Variants in PRKN observed in about 807,000 individuals in gnomAD.
PRKN encodes the protein E3 ubiquitin-protein ligase parkin.
In PRKN, 56 loss-of-function variants were observed where a neutral mutation model predicts 59.5. That is an observed-to-expected ratio of 0.94 (90% confidence interval 0.76 to 1.18). PRKN has a LOEUF of 1.18. Ranked by LOEUF, PRKN falls within the 50% of genes most tolerant of loss-of-function variation. PRKN has a pLI of 0.00. For synonymous variants in PRKN, 250 were observed against 222.1 expected (o/e 1.13, Z -1.12); for missense variants, 657 against 596.4 (o/e 1.10, Z -1.06).
chr6:162,223,885 T>A (rs559528557), intron 3 of PRKN, among the ~76,000 whole-genome samples: 1 of 152,128 alleles, frequency 6.6e-6, no homozygotes, highest in Non-Finnish European at 1.5e-5. Flanking sequence ...ATAGGAATCA[T>A]ATGAGATAAA....
At chr6:161,796,126 C>A (rs1403273931) in intron 6 of PRKN, among the ~76,000 whole-genome samples, 1 of 152,132 alleles carries the variant, frequency 6.6e-6, no homozygotes, top group East Asian at 1.9e-4. Context: ...AATAGAAATA[C>A]AAAGCCACGA....
At chr6:162,088,539 G>A (rs900091617) in intron 4 of PRKN, among the ~76,000 whole-genome samples, 1 of 151,978 alleles carries the variant, frequency 6.6e-6, no homozygotes, top group Non-Finnish European at 1.5e-5. Context: ...ATTTGTTTAG[G>A]AAATGAACAA....
chr6:161,863,099 C>T (rs1490955566), intron 6 of PRKN, among the ~76,000 whole-genome samples: 1 of 152,134 alleles, frequency 6.6e-6, no homozygotes, highest in East Asian at 1.9e-4. Context: ...GAAAGAGAGG[C>T]TTGAGATTAC....
intron 6 of PRKN, among the ~76,000 whole-genome samples, chr6:161,865,550 T>C (rs1288399702): frequency 6.6e-6 from 1 of 152,234 alleles, no homozygotes; most frequent in Non-Finnish European, 1.5e-5. Context: ...ACATTTAAGC[T>C]AGATCTTCTG....
chr6:161,557,292 C>T (rs1489488529), intron 8 of PRKN, among the ~76,000 whole-genome samples: 1 of 152,092 alleles, frequency 6.6e-6, no homozygotes, highest in Non-Finnish European at 1.5e-5. Flanking sequence ...GCATAAAATT[C>T]ATAGAAGTTT....
intron 3 of PRKN, among the ~76,000 whole-genome samples, chr6:162,213,623 T>G (rs1024554802): frequency 6.6e-6 from 1 of 151,862 alleles, no homozygotes; most frequent in Non-Finnish European, 1.5e-5. Flanking sequence ...CAGCTAGGAA[T>G]AGCTAGGAGG....
intron 2 of PRKN, among the ~76,000 whole-genome samples, chr6:162,327,109 C>T (rs1242468971): frequency 2.6e-5 from 4 of 152,160 alleles, no homozygotes; most frequent in Non-Finnish European, 4.4e-5. Context: ...ACAGGAAATA[C>T]CGCCCTTCCA....
chr6:161,651,627 G>C (rs929818638), intron 7 of PRKN, among the ~76,000 whole-genome samples: 11 of 152,130 alleles, frequency 7.2e-5, no homozygotes, highest in Non-Finnish European at 1.3e-4. Context: ...CTGGAAGTGT[G>C]GTCAGGTTAT....
rs768890758 is a variant in PRKN, at chr6:161,743,213, C to CTTTTTT, written c.871+42553_871+42558dup. Among the ~76,000 whole-genome samples, 138 of 84,570 alleles carry CTTTTTT rather than the reference C, an allele frequency of 1.6e-3. 9 individuals carry two copies. The highest frequency in any genetic ancestry group is 4.5e-3 in the East Asian group (10 of 2,224). The allele number at this position is 84,570 out of a possible 152,430, so 55.5% of individuals were successfully genotyped here. On this transcript the variant is annotated intron_variant, in intron 7 of 11. Coordinates refer to ENST00000366898, the MANE Select transcript of PRKN (RefSeq NM_004562.3). Reference sequence around the variant, plus strand: ...CTTGCCTGTCTATACTGGTTTCTACCTTTTTTTTTTTTTTTTTTTTTTTTT... The same window carrying CTTTTTT: ...CTTGCCTGTCTATACTGGTTTCTACCTTTTTTTTTTTTTTTTTTTTTTTTTTTTTTT...
chr6:162,504,166 T>G (rs1439697102), intron 1 of PRKN, among the ~76,000 whole-genome samples: 1 of 152,096 alleles, frequency 6.6e-6, no homozygotes, highest in Non-Finnish European at 1.5e-5. Context: ...CCCGGAGTGG[T>G]GAGAACACCA....
At chr6:161,365,309 A>T (rs1223077590) in intron 10 of PRKN, among the ~76,000 whole-genome samples, 1 of 152,196 alleles carries the variant, frequency 6.6e-6, no homozygotes, top group Non-Finnish European at 1.5e-5. Flanking sequence ...GAGTCTTAGC[A>T]CTTATCTGGG....
chr6:162,202,540 T>C (rs1037378946), intron 3 of PRKN, among the ~76,000 whole-genome samples: 4 of 152,306 alleles, frequency 2.6e-5, no homozygotes, highest in Admixed American at 6.5e-5. Context: ...AAAATGTAAA[T>C]ACATGTTTAT....
Position 162,395,420 on chromosome 6 carries a change from C to G in PRKN, c.171+47890G>C, listed in dbSNP as rs147049918. Among the ~76,000 whole-genome samples the G allele has an allele frequency of 3.4e-3, 517 of 152,280 alleles. 2 individuals are homozygous for G. The highest frequency in any genetic ancestry group is 5.6e-3 in the Non-Finnish European group (382 of 68,022). On this transcript the variant is annotated intron_variant, in intron 2 of 11. Transcript: ENST00000366898. ...ACAGCCAGCATCAATTTGCCACATG[C>G]ACTTCAGTTTGCCACAGTGCCAACC...
chr6:161,785,346 T>G lies in PRKN; in HGVS notation c.871+426A>C, dbSNP rs77700919. 7.9e-3 allele frequency among the ~76,000 whole-genome samples: 1,204 copies of G among 152,332 alleles called. 13 individuals carry two copies. The highest frequency in any genetic ancestry group is 0.027 in the African/African-American group (1,125 of 41,578). On this transcript the variant is annotated intron_variant, in intron 7 of 11. Transcript: ENST00000366898. Reference sequence around the variant, plus strand: ...TAAAATATTAAGTAGTTCAGGTTTATCTCATTCTGCTTTCTTTTTCACATA... The same window carrying G: ...TAAAATATTAAGTAGTTCAGGTTTAGCTCATTCTGCTTTCTTTTTCACATA...
chr6:162,135,305 A>G (rs188929378), intron 4 of PRKN, among the ~76,000 whole-genome samples: 203 of 152,148 alleles, frequency 1.3e-3, no homozygotes, highest in Non-Finnish European at 2.5e-3. Context: ...ACTAGCTAAA[A>G]CACCGCGATT....
At chr6:161,896,073 C>A (rs942711699) in intron 6 of PRKN, among the ~76,000 whole-genome samples, 2 of 152,114 alleles carry the variant, frequency 1.3e-5, no homozygotes, top group African/African-American at 4.8e-5. Context: ...GCGGGTGAAG[C>A]AGGGCAGGTG....
chr6:162,285,266 ATTTTTTTT>A lies in PRKN; in HGVS notation c.172-22509_172-22502del, dbSNP rs11392809. On this transcript the variant is annotated intron_variant, in intron 2 of 11. Transcript: ENST00000366898. ...AGGGATCTTCACAGATATTTTGGAG[ATTTTTTTT>A]TTTTTTTTTTTTTTTTTCCGAGAGG... Among the ~76,000 whole-genome samples the A allele has an allele frequency of 7.3e-5, 7 of 95,926 alleles. No individual in the cohort carries two copies. In the South Asian group the frequency reaches 1.3e-3, roughly 18 times the overall value. 62.9% of individuals were successfully genotyped at this position (95,926 alleles called of 152,430 possible). A position where few individuals can be genotyped will look rare whatever the true frequency, so the allele number is the denominator to read the frequency against.
At position 162,727,713 on chromosome 6, in the gene PRKN, C is replaced by T. The variant is rs922956128; in HGVS notation, c.-45G>A. ...GCTGCGGGCCAGGAACAGGCCCATG[C>T]GCGCAGCGGCGCCAGCCGCGCCTCC... is the stretch of plus-strand genomic sequence containing the variant. On this transcript the variant is annotated 5_prime_UTR_variant, in exon 1 of 12. Transcript: ENST00000366898. 5 of 1,551,182 alleles carry T rather than the reference C, an allele frequency of 3.2e-6. No individual in the cohort carries two copies. The highest frequency in any genetic ancestry group is 1.7e-4 in the Middle Eastern group (1 of 5,962).
intron 6 of PRKN, among the ~76,000 whole-genome samples, chr6:161,863,339 GA>G (rs1793984486): frequency 6.6e-6 from 1 of 150,844 alleles, no homozygotes; most frequent in African/African-American, 2.4e-5. Flanking sequence ...AAAAAAAAGG[GA>G]AAAAACATTC....
Sources: gnomAD v4.1 joint callset for allele counts (sites outside exome capture counted in the v4.1 genomes callset) on GRCh38, gnomAD v4.1.1 for gene constraint, MANE v1.5 for transcripts, NCBI Gene and HGNC (gene_info 2026-07-23, HGNC 2026-07-21) for gene names.